The following PARD3B variants were observed in gnomAD, a reference collection of about 807,000 sequenced individuals.
PARD3B encodes the protein partitioning defective 3 homolog B.
PARD3B carries 103 observed loss-of-function variants against 130.2 expected under a neutral mutation model. The observed-to-expected ratio is 0.79, with a 90% CI of 0.67 to 0.93. The LOEUF (loss-of-function observed/expected upper bound fraction) is 0.93. Among genes scored for constraint, PARD3B ranks in the 40% least tolerant of loss-of-function variants. The pLI is 0.00. For synonymous variants in PARD3B, 583 were observed against 553.2 expected (o/e 1.05, Z -0.76); for missense variants, 1,609 against 1,499.2 (o/e 1.07, Z -1.21).
intron 22 of PARD3B, among the ~76,000 whole-genome samples, chr2:205,607,880 A>T (rs2055071000): frequency 1.3e-5 from 2 of 149,830 alleles, no homozygotes; most frequent in Non-Finnish European, 3.0e-5. Context: ...ACACACACAC[A>T]GAGGCATGAA....
intron 4 of PARD3B, among the ~76,000 whole-genome samples, chr2:205,088,946 C>A (rs574011612): frequency 6.7e-6 from 1 of 150,352 alleles, no homozygotes. Context: ...CTACAGGTGC[C>A]CGCCACCACA....
At chr2:204,796,005 C>G (rs1391371239) in intron 2 of PARD3B, among the ~76,000 whole-genome samples, 1 of 152,070 alleles carries the variant, frequency 6.6e-6, no homozygotes, top group African/African-American at 2.4e-5. Context: ...TGTTTTTTCT[C>G]TTTTGCATAT....
At chr2:204,594,416 A>G (rs1286458729) in intron 1 of PARD3B, among the ~76,000 whole-genome samples, 1 of 152,230 alleles carries the variant, frequency 6.6e-6, no homozygotes, top group African/African-American at 2.4e-5. Context: ...AGAAATTTAG[A>G]GAAGGTGACT....
At chr2:205,144,800 A>T (rs896246300) in intron 10 of PARD3B, among the ~76,000 whole-genome samples, 12 of 152,102 alleles carry the variant, frequency 7.9e-5, no homozygotes, top group African/African-American at 2.9e-4. Context: ...ACTAAAGGGG[A>T]TTGGTATCCA....
intron 2 of PARD3B, among the ~76,000 whole-genome samples, chr2:204,901,859 C>T (rs1025773160): frequency 6.6e-5 from 10 of 152,116 alleles, no homozygotes; most frequent in African/African-American, 2.4e-4. Context: ...CAGGTGGTTT[C>T]CCTTCTGGCT....
intron 3 of PARD3B, among the ~76,000 whole-genome samples, chr2:205,027,630 T>A (rs1697128790): frequency 6.6e-6 from 1 of 152,120 alleles, no homozygotes; most frequent in African/African-American, 2.4e-5. Context: ...TATCCAAATA[T>A]CATTGCCAAG....
At chr2:204,594,343 A>G (rs1240249473) in intron 1 of PARD3B, among the ~76,000 whole-genome samples, 1 of 152,242 alleles carries the variant, frequency 6.6e-6, no homozygotes, top group Non-Finnish European at 1.5e-5. Flanking sequence ...AGAGTTTACC[A>G]ACATACTTTC....
chr2:205,302,065 C>CTTTTTTTT (rs3048088), intron 18 of PARD3B, among the ~76,000 whole-genome samples: 4,785 of 77,474 alleles, frequency 0.062, 65 homozygotes, highest in Non-Finnish European at 0.076. Context: ...TTTTTCTTTT[C>CTTTTTTTT]TTTTTTTTTT....
At chr2:205,219,530 G>A (rs915670997) in intron 15 of PARD3B, among the ~76,000 whole-genome samples, 4 of 152,206 alleles carry the variant, frequency 2.6e-5, no homozygotes, top group African/African-American at 9.6e-5. Context: ...CAGAAATATA[G>A]ACAGTATTAT....
chr2:205,203,801 C>T (rs1574377400), intron 15 of PARD3B, among the ~76,000 whole-genome samples: 1 of 152,172 alleles, frequency 6.6e-6, no homozygotes, highest in Admixed American at 6.5e-5. Flanking sequence ...TTTATGGCTG[C>T]ATAGTATTCC....
chr2:204,931,598 GT>G (rs5837943), intron 2 of PARD3B, among the ~76,000 whole-genome samples: 48,499 of 145,594 alleles, frequency 0.33, 8,796 homozygotes, highest in Non-Finnish European at 0.43. Flanking sequence ...ATTAACAATT[GT>G]TTTTTTTTTT....
intron 15 of PARD3B, among the ~76,000 whole-genome samples, chr2:205,242,393 AT>A (rs1362102745): frequency 6.6e-6 from 1 of 152,218 alleles, no homozygotes; most frequent in Non-Finnish European, 1.5e-5. Flanking sequence ...ATCAGCTTAG[AT>A]TTTTTAAAAA....
At chr2:204,561,872 C>T (rs1423660377) in intron 1 of PARD3B, among the ~76,000 whole-genome samples, 1 of 152,116 alleles carries the variant, frequency 6.6e-6, no homozygotes, top group African/African-American at 2.4e-5. Context: ...GCTGAGATTA[C>T]AGGCGTGAGT....
In PARD3B at chr2:205,568,142, T is replaced by A. The variant is rs977376239; in HGVS notation, c.3260+14739T>A. Among the ~76,000 whole-genome samples, 2 of 152,078 alleles carry A rather than the reference T, an allele frequency of 1.3e-5. No individual in the cohort carries two copies. The highest frequency in any genetic ancestry group is 3.9e-4 in the East Asian group (2 of 5,188). ...GACAGAAGTGCTGCAGTGATGGGGG[T>A]GTGGGGGCAGTCTGCTGCCACAACT... On this transcript the variant is annotated intron_variant, in intron 22 of 22. Transcript: ENST00000406610. The surrounding 1 kb of genome is among the most constrained non-coding windows in gnomAD (Gnocchi z 5.3).
intron 18 of PARD3B, among the ~76,000 whole-genome samples, chr2:205,373,720 G>A (rs943341263): frequency 1.3e-5 from 2 of 152,084 alleles, no homozygotes; most frequent in East Asian, 1.9e-4. Context: ...CCTTAAATAC[G>A]TTGTTGATTT....
At chr2:204,931,826 A>G (rs1485894540) in intron 2 of PARD3B, among the ~76,000 whole-genome samples, 1 of 152,066 alleles carries the variant, frequency 6.6e-6, no homozygotes, top group South Asian at 2.1e-4. Context: ...TCTAATTGCT[A>G]AAGTTTCAAA....
intron 2 of PARD3B, among the ~76,000 whole-genome samples, chr2:204,770,664 G>A (rs979908867): frequency 6.6e-6 from 1 of 151,958 alleles, no homozygotes; most frequent in Non-Finnish European, 1.5e-5. Flanking sequence ...ATTTTGAGAG[G>A]TTTGTGCAAG....
chr2:204,639,849 C>T (rs2035012208), intron 1 of PARD3B, among the ~76,000 whole-genome samples: 1 of 152,138 alleles, frequency 6.6e-6, no homozygotes, highest in African/African-American at 2.4e-5. Context: ...ACTAGAAAGG[C>T]TTGGTGATGT....
At chr2:205,394,241 A>G (rs1349616722) in intron 18 of PARD3B, among the ~76,000 whole-genome samples, 2 of 152,188 alleles carry the variant, frequency 1.3e-5, no homozygotes, top group African/African-American at 2.4e-5. Context: ...GGGTTTTTCT[A>G]TAACCCTCTC....
Sources: allele counts gnomAD v4.1 joint callset (sites outside exome capture counted in the v4.1 genomes callset), GRCh38; gene constraint gnomAD v4.1.1; non-coding constraint Gnocchi (gnomAD v3.1); transcripts MANE v1.5; gene names NCBI Gene and HGNC (gene_info 2026-07-23, HGNC 2026-07-21).